The following NT5C1B variants were observed in gnomAD, a reference collection of about 807,000 sequenced individuals.
NT5C1B encodes 5'-nucleotidase, cytosolic IB.
Under a neutral mutation model 57.8 loss-of-function variants are expected in NT5C1B, and 44 were observed. The observed-to-expected ratio is 0.76, with a 90% CI of 0.60 to 0.98. The LOEUF is 0.98. Ranked by LOEUF, NT5C1B falls within the 50% of genes least tolerant of loss-of-function variation. The pLI is 0.00. For synonymous variants in NT5C1B, 284 were observed against 282.6 expected, an observed-to-expected ratio of 1.00 and a Z score of -0.05; for missense variants, 742 against 719.5, an observed-to-expected ratio of 1.03 and a Z score of -0.36.
At chr2:18,588,888 T>C (rs1666957826) in intron 1 of NT5C1B, among the ~76,000 whole-genome samples, 1 of 152,244 alleles carries the variant, frequency 6.6e-6, no homozygotes, top group African/African-American at 2.4e-5. Flanking sequence ...CTCTATACTT[T>C]ATCACTATGT....
At chr2:18,583,856 C>T (rs1451817962) in intron 5 of NT5C1B, 2 of 716,416 alleles carry the variant, frequency 2.8e-6, no homozygotes, top group East Asian at 2.9e-5. Context: ...ATTAGGACTT[C>T]ACTTAGGGAA....
At chr2:18,588,163 A>T (rs1355317517) in intron 1 of NT5C1B, among the ~76,000 whole-genome samples, 1 of 152,238 alleles carries the variant, frequency 6.6e-6, no homozygotes, top group Admixed American at 6.5e-5. Context: ...TTTCTTACCA[A>T]CAAATTAACA....
intron 3 of NT5C1B, chr2:18,585,301 C>A (rs563616383): frequency 9.9e-6 from 6 of 608,236 alleles, no homozygotes; most frequent in Non-Finnish European, 1.8e-5. Flanking sequence ...AAGTTCTGTC[C>A]CCTGCTTGGC....
intron 8 of NT5C1B, among the ~76,000 whole-genome samples, chr2:18,565,727 C>T (rs1406050693): frequency 1.3e-5 from 2 of 152,032 alleles, no homozygotes; most frequent in African/African-American, 4.8e-5. Context: ...ATATTTTAAT[C>T]ATTTAATATA....
chr2:18,578,169 C>T (rs115759941), intron 6 of NT5C1B, among the ~76,000 whole-genome samples: 1,944 of 152,178 alleles, frequency 0.013, 36 homozygotes, highest in African/African-American at 0.044. Flanking sequence ...CCAGATGGAT[C>T]CTCAGCCAAA....
At chr2:18,587,155 G>T in intron 2 of NT5C1B, 1 of 1,613,586 alleles carries the variant, frequency 6.2e-7, no homozygotes, top group Non-Finnish European at 8.5e-7. Context: ...GAGTGATTCG[G>T]ATTGACTGCA....
intron 2 of NT5C1B, chr2:18,587,209 C>T: frequency 3.2e-6 from 5 of 1,587,156 alleles, no homozygotes; most frequent in Non-Finnish European, 4.3e-6. Context: ...AATGCCATGG[C>T]CAGACCCCCT....
At chr2:18,586,923 T>G in intron 2 of NT5C1B, 1 of 1,608,704 alleles carries the variant, frequency 6.2e-7, no homozygotes, top group South Asian at 1.1e-5. Flanking sequence ...AGTTTCTATT[T>G]GCCATATTCT....
At chr2:18,564,099 C>A in exon 9 of NT5C1B, 1 of 1,582,688 alleles carries the variant, frequency 6.3e-7, no homozygotes, top group South Asian at 1.1e-5. Flanking sequence ...CTAAATCTTC[C>A]AGAAAGCCTT....
chr2:18,563,954 T>A, exon 9 of NT5C1B: 2 of 1,614,176 alleles, frequency 1.2e-6, no homozygotes, highest in Non-Finnish European at 1.7e-6. Flanking sequence ...GCTTCGTCTA[T>A]CTCTAGACCC....
At chr2:18,588,147 A>C (rs1666892620) in intron 1 of NT5C1B, among the ~76,000 whole-genome samples, 1 of 152,216 alleles carries the variant, frequency 6.6e-6, no homozygotes, top group Admixed American at 6.5e-5. Flanking sequence ...CTAGAGTGGA[A>C]AGGGATTTCT....
chr2:18,582,306 G>A (rs16985293), intron 6 of NT5C1B, among the ~76,000 whole-genome samples: 25,517 of 152,122 alleles, frequency 0.17, 4,110 homozygotes, highest in African/African-American at 0.42. Context: ...AATTGTGCCC[G>A]AAATAATTCA....
chr2:18,584,955 G>T lies in NT5C1B; in HGVS notation c.282C>A (p.Ser94=), dbSNP rs1402214544. ...GGCTTGGGGAGGTGGATGGAGTCCG[G>T]GAGCTCGTGGAGCTGCTGGGGAGCT... Residue 94 remains serine (S), a synonymous_variant, in exon 4 of 9, where the codon TCC becomes TCA. Coordinates refer to ENST00000304081, the Ensembl canonical transcript of NT5C1B. This position sits in a 1 kb window ranked among gnomAD's most constrained non-coding sequence, Gnocchi z 5.8. 6.5e-7 allele frequency: 1 copy of T among 1,539,490 alleles called. No homozygotes were observed. The highest frequency in any genetic ancestry group is 8.7e-7 in the Non-Finnish European group (1 of 1,150,446).
At chr2:18,564,105 G>A in exon 9 of NT5C1B, 2 of 1,572,850 alleles carry the variant, frequency 1.3e-6, no homozygotes, top group African/African-American at 1.4e-5. Flanking sequence ...CTTCCAGAAA[G>A]CCTTTTAGGG....
At chr2:18,578,593 A>C (rs1572351670) in intron 6 of NT5C1B, among the ~76,000 whole-genome samples, 1 of 152,138 alleles carries the variant, frequency 6.6e-6, no homozygotes, top group Non-Finnish European at 1.5e-5. Flanking sequence ...GCTGTCAATA[A>C]AATTTAACAT....
At chr2:18,586,530 C>A in intron 2 of NT5C1B, 139 bp from the exon 3 acceptor site, 2 of 1,276,488 alleles carry the variant, frequency 1.6e-6, no homozygotes, top group Non-Finnish European at 2.1e-6. Context: ...ACTCTTAACT[C>A]AACCTGAACT....
chr2:18,568,763 G>C (rs1365398422), intron 8 of NT5C1B, among the ~76,000 whole-genome samples: 2 of 152,114 alleles, frequency 1.3e-5, no homozygotes, highest in Non-Finnish European at 2.9e-5. Context: ...GCCTCCTTTG[G>C]AGAGGCTAAT....
At chr2:18,563,672 C>G (rs1421244088) in exon 9 of NT5C1B, 2 of 1,136,398 alleles carry the variant, frequency 1.8e-6, no homozygotes, top group Non-Finnish European at 1.2e-6. Context: ...AGGAGAAAAC[C>G]TTTCCAAAGA....
chr2:18,571,718 G>GTGTGTGTATGTATATATATA (rs1246189018), intron 8 of NT5C1B, among the ~76,000 whole-genome samples: 1 of 111,444 alleles, frequency 9.0e-6, no homozygotes, highest in African/African-American at 3.2e-5. Context: ...CTGTGTGTGT[G>GTGTGTGTATGTATATATATA]TATATATATA....
Sources: gnomAD v4.1 joint callset for allele counts (sites outside exome capture counted in the v4.1 genomes callset) on GRCh38, gnomAD v4.1.1 for gene constraint, Gnocchi (gnomAD v3.1) non-coding constraint, MANE v1.5 for transcripts, NCBI Gene and HGNC (gene_info 2026-07-23, HGNC 2026-07-21) for gene names.